The following INPP5F variants were observed in gnomAD, a reference collection of about 807,000 sequenced individuals.
The protein encoded by INPP5F is phosphatidylinositide 4-phosphatase SAC2.
INPP5F carries 97 observed loss-of-function variants against 137.2 expected under a neutral mutation model. That is an observed-to-expected ratio of 0.71 (90% CI 0.60 to 0.84). The LOEUF (loss-of-function observed/expected upper bound fraction) is 0.84, where lower values mean the gene tolerates loss of function less well. Ranked by LOEUF, INPP5F falls within the 40% of genes least tolerant of loss-of-function variation. The pLI is 0.00. For missense variants in INPP5F, 1,271 were observed against 1,371.9 expected, an observed-to-expected ratio of 0.93 and a Z score of 1.16; for synonymous variants, 504 against 476.9, an observed-to-expected ratio of 1.06 and a Z score of -0.74.
rs769421563 is a variant in INPP5F at position 119,796,896 on chromosome 10, G to A, written c.851G>A (p.Arg284Gln). ...PRFLVALISR[R>Q]SRHRAGMRYK... ...TTTCTAGTGGCTCTCATTTCACGCCGAAGTAGGCACAGAGCAGGTGAGTGG... is the reference window on the plus strand; with the variant it reads ...TTTCTAGTGGCTCTCATTTCACGCCAAAGTAGGCACAGAGCAGGTGAGTGG... Residue 284 changes from arginine to glutamine, a missense_variant, in exon 7 of 20, where the codon CGA (arginine) becomes CAA (glutamine). Physicochemically the swap from Arg to Gln is conservative, Grantham distance 43. Around this residue, in one of 6 missense-constraint regions of INPP5F, gnomAD observed 593 missense variants for 712.4 expected, o/e 0.83. Transcript: ENST00000650623. 6.2e-7 allele frequency: 1 copy of A among 1,613,864 alleles called. No homozygotes were observed. Among genetic ancestry groups the A allele is most frequent in the Non-Finnish European group, 8.5e-7 (1 of 1,179,870 alleles).
chr10:119,821,359 T>TGC (rs1476130465), intron 16 of INPP5F, among the ~76,000 whole-genome samples: 87 of 150,738 alleles, frequency 5.8e-4, no homozygotes, highest in African/African-American at 1.9e-3. Flanking sequence ...TGTGTGTGTG[T>TGC]GCATGTGCCT....
chr10:119,778,263 C>T (rs1284867043), intron 2 of INPP5F, among the ~76,000 whole-genome samples: 1 of 152,134 alleles, frequency 6.6e-6, no homozygotes, highest in African/African-American at 2.4e-5. Context: ...CCTCCCTGGC[C>T]TCCCAAAGTG....
chr10:119,813,624 CA>C (rs1036756965), intron 15 of INPP5F, among the ~76,000 whole-genome samples: 2 of 150,900 alleles, frequency 1.3e-5, no homozygotes, highest in African/African-American at 2.4e-5. Flanking sequence ...GACCCTGTCT[CA>C]AAAAAAACAA....
At chr10:119,794,183 G>A (rs1162369239) in intron 6 of INPP5F, among the ~76,000 whole-genome samples, 10 of 151,834 alleles carry the variant, frequency 6.6e-5, no homozygotes, top group Admixed American at 3.9e-4. Context: ...CAGTGTTTGT[G>A]TCCCTGGGTA....
chr10:119,788,418 A>C (rs1850004074), intron 3 of INPP5F, among the ~76,000 whole-genome samples: 1 of 152,218 alleles, frequency 6.6e-6, no homozygotes, highest in Non-Finnish European at 1.5e-5. Flanking sequence ...AGATACACCC[A>C]CAAAGGAGAC....
chr10:119,829,036 T>C lies in INPP5F; in HGVS notation c.*1256T>C, dbSNP rs1340074628. On this transcript the variant is annotated 3_prime_UTR_variant, in exon 20 of 20. Coordinates refer to ENST00000650623, the MANE Select transcript of INPP5F (RefSeq NM_014937.4). ...GTGACTGATTCTCAACTGAACATTA[T>C]GTCGTTACTTTGATAAGCATTCCAC... The C allele has an allele frequency of 6.6e-6, 1 of 152,664 alleles. No homozygotes were observed. Among genetic ancestry groups the C allele is most frequent in the East Asian group, 1.9e-4 (1 of 5,202 alleles). 9.5% of individuals were successfully genotyped at this position (152,664 alleles called of 1,614,324 possible).
At chr10:119,800,819 A>G (rs1475312875) in intron 9 of INPP5F, among the ~76,000 whole-genome samples, 1 of 151,838 alleles carries the variant, frequency 6.6e-6, no homozygotes, top group Non-Finnish European at 1.5e-5. Flanking sequence ...GCACGGTGGG[A>G]TGCACCTGTA....
At chr10:119,783,515 T>G (rs1450231408) in intron 3 of INPP5F, among the ~76,000 whole-genome samples, 3 of 152,218 alleles carry the variant, frequency 2.0e-5, no homozygotes, top group Non-Finnish European at 4.4e-5. Flanking sequence ...GGACCTTTGT[T>G]AGGCCTTTCA....
At chr10:119,779,944 G>A (rs1849648443) in intron 2 of INPP5F, among the ~76,000 whole-genome samples, 1 of 152,034 alleles carries the variant, frequency 6.6e-6, no homozygotes, top group East Asian at 1.9e-4. Flanking sequence ...GTACAGTATA[G>A]CAAATATGTA....
chr10:119,802,804 T>TA (rs959154877), intron 9 of INPP5F, among the ~76,000 whole-genome samples: 20 of 152,068 alleles, frequency 1.3e-4, no homozygotes, highest in Admixed American at 7.9e-4. Flanking sequence ...CCAGGTTTTT[T>TA]AAAAAAAATT....
chr10:119,815,022 C>T (rs1057106661), intron 15 of INPP5F, among the ~76,000 whole-genome samples: 9 of 152,044 alleles, frequency 5.9e-5, no homozygotes, highest in Non-Finnish European at 1.0e-4. Context: ...CCTGACACCA[C>T]GCCCGGCTAA....
intron 2 of INPP5F, among the ~76,000 whole-genome samples, chr10:119,762,817 G>T (rs1005510716): frequency 6.6e-6 from 1 of 152,072 alleles, no homozygotes; most frequent in Non-Finnish European, 1.5e-5. Context: ...TAAACATTTA[G>T]CTTATAATAT....
chr10:119,759,757 G>C (rs1848955692), intron 2 of INPP5F, among the ~76,000 whole-genome samples: 1 of 152,116 alleles, frequency 6.6e-6, no homozygotes, highest in South Asian at 2.1e-4. Context: ...CTTGAGTCTT[G>C]GAAGCAGGCA....
chr10:119,726,416 G>T, intron 1 of INPP5F, 57 bp downstream of exon 1: 2 of 1,049,130 alleles, frequency 1.9e-6, no homozygotes, highest in Non-Finnish European at 2.4e-6. Flanking sequence ...AGAGGAGGGG[G>T]CGCGGCCGGA....
At position 119,826,564 on chromosome 10, in the gene INPP5F, G is replaced by A. The variant is rs1851767921; in HGVS notation, c.2250-67G>A. 6 of 1,256,044 alleles carry A rather than the reference G, an allele frequency of 4.8e-6. No individual in the cohort carries two copies. In the South Asian group the frequency reaches 8.8e-5, roughly 18 times the overall value. 77.8% of individuals were successfully genotyped at this position (1,256,044 alleles called of 1,614,324 possible). On this transcript the variant is annotated intron_variant, in intron 19 of 19. Coordinates refer to ENST00000650623, the MANE Select transcript of INPP5F (RefSeq NM_014937.4). ...AATTTGAATAACTGTTTTCACTTAT[G>A]TTAATAACTGGAACTGGCATATTGG... is the stretch of plus-strand genomic sequence containing the variant.
At position 119,828,477 on chromosome 10, in the gene INPP5F, C is replaced by CTGTTTTCAGGAA. The variant is rs1851862308; in HGVS notation, c.*701_*712dup. The CTGTTTTCAGGAA allele has an allele frequency of 6.6e-6, 1 of 152,136 alleles. No individual in the cohort carries two copies. The highest frequency in any genetic ancestry group is 2.1e-4 in the South Asian group (1 of 4,816). The allele number at this position is 152,136 out of a possible 1,614,324, so 9.4% of individuals were successfully genotyped here. The stretch of plus-strand genomic sequence containing the variant: ...CCAGCACCTATTAGGTTTCATTTTG[C>CTGTTTTCAGGAA]TGTTTTCAGGAATGTAAGAACACCC... On this transcript the variant is annotated 3_prime_UTR_variant, in exon 20 of 20. Transcript: ENST00000650623.
intron 11 of INPP5F, among the ~76,000 whole-genome samples, chr10:119,805,723 A>G (rs973958674): frequency 4.6e-5 from 7 of 152,206 alleles, no homozygotes; most frequent in Non-Finnish European, 8.8e-5. Flanking sequence ...ATTCCTTCTC[A>G]TGCCCCACGG....
At chr10:119,765,788 G>C (rs1849142937) in intron 2 of INPP5F, among the ~76,000 whole-genome samples, 1 of 141,408 alleles carries the variant, frequency 7.1e-6, no homozygotes, top group Admixed American at 7.1e-5. Context: ...TGTGTGTATA[G>C]TGTATATATA....
chr10:119,796,676 T>G, intron 6 of INPP5F, 39 bp from the exon 7 acceptor site: 1 of 1,484,386 alleles, frequency 6.7e-7, no homozygotes, highest in South Asian at 1.1e-5. Flanking sequence ...AGCAGTGCTG[T>G]ACAGAATAGA....
Sources: allele counts gnomAD v4.1 joint callset (sites outside exome capture counted in the v4.1 genomes callset), GRCh38; gene constraint gnomAD v4.1.1; regional missense constraint gnomAD v4.1.1; transcripts MANE v1.5; gene names NCBI Gene and HGNC (gene_info 2026-07-23, HGNC 2026-07-21).